Variants in PTPRR observed in about 807,000 individuals in gnomAD.
The protein encoded by PTPRR is receptor-type tyrosine-protein phosphatase R.
A neutral mutation model predicts 77.2 loss-of-function variants in PTPRR; 38 were observed. That is an observed-to-expected ratio of 0.49 (90% CI 0.38 to 0.65). The LOEUF (loss-of-function observed/expected upper bound fraction) is 0.65. Ranked by LOEUF, PTPRR falls within the 30% of genes least tolerant of loss-of-function variation. PTPRR has a pLI of 0.00. For missense variants in PTPRR, 744 were observed against 799.2 expected (o/e 0.93, Z 0.83); for synonymous variants, 299 against 283.1 (o/e 1.06, Z -0.57).
rs1893840083 is a variant in PTPRR, at chr12:70,920,480, C to T, written c.-90G>A. The T allele has an allele frequency of 1.5e-6, 2 of 1,299,320 alleles. No individual in the cohort carries two copies. The highest frequency in any genetic ancestry group is 5.0e-5 in the East Asian group (2 of 40,126). 80.5% of individuals were successfully genotyped at this position (1,299,320 alleles called of 1,614,324 possible). A position where few individuals can be genotyped will look rare whatever the true frequency, so the allele number is the denominator to read the frequency against. On this transcript the variant is annotated 5_prime_UTR_variant, in exon 1 of 14. Coordinates refer to ENST00000283228, the MANE Select transcript of PTPRR (RefSeq NM_002849.4). Reference sequence around the variant, plus strand: ...AGAAAGAGCCACCGCCAAGGGTCTTCTAGTCTCCGGGATTCAGGTCCTCGG... The same window carrying T: ...AGAAAGAGCCACCGCCAAGGGTCTTTTAGTCTCCGGGATTCAGGTCCTCGG...
intron 4 of PTPRR, among the ~76,000 whole-genome samples, chr12:70,759,710 A>G (rs1269036252): frequency 6.8e-6 from 1 of 147,874 alleles, no homozygotes; most frequent in Admixed American, 6.8e-5. Context: ...AAAAAAACAA[A>G]CGAAAGGTAT....
At chr12:70,690,922 A>G (rs903394102) in intron 8 of PTPRR, among the ~76,000 whole-genome samples, 1 of 152,198 alleles carries the variant, frequency 6.6e-6, no homozygotes, top group Non-Finnish European at 1.5e-5. Flanking sequence ...TTTTGAAGGC[A>G]GGGATGGGGA....
At chr12:70,788,261 C>T (rs1891361982) in intron 2 of PTPRR, among the ~76,000 whole-genome samples, 1 of 152,212 alleles carries the variant, frequency 6.6e-6, no homozygotes, top group Non-Finnish European at 1.5e-5. Flanking sequence ...CTGACTTTCA[C>T]TCACTGGACC....
At chr12:70,881,209 T>C (rs1034762892) in intron 2 of PTPRR, among the ~76,000 whole-genome samples, 2 of 152,188 alleles carry the variant, frequency 1.3e-5, no homozygotes, top group Admixed American at 6.5e-5. Context: ...CTAGTTGCCA[T>C]GTTCTCAGGC....
In PTPRR at chr12:70,659,360, A is replaced by G. The variant is rs147124536; in HGVS notation, c.1766+1580T>C. ...GGATGAGGTCAGAAGGGCCTGAACT[A>G]TGGTGGCTGGACAGGAAATGGTGAT... On this transcript the variant is annotated intron_variant, in intron 12 of 13. Coordinates refer to ENST00000283228, the MANE Select transcript of PTPRR (RefSeq NM_002849.4). Among the ~76,000 whole-genome samples the G allele has an allele frequency of 4.7e-4, 72 of 152,308 alleles. 2 individuals are homozygous for G. The East Asian group carries it at 0.012, about 26-fold the overall frequency.
At chr12:70,724,841 A>G (rs1241739218) in intron 6 of PTPRR, among the ~76,000 whole-genome samples, 1 of 152,182 alleles carries the variant, frequency 6.6e-6, no homozygotes, top group Non-Finnish European at 1.5e-5. Flanking sequence ...ATATATTTAT[A>G]TAATGTTAAT....
At chr12:70,656,579 T>C (rs1191148089) in intron 13 of PTPRR, 125 bp downstream of exon 13, 1 of 663,670 alleles carries the variant, frequency 1.5e-6, no homozygotes, top group African/African-American at 1.8e-5. Flanking sequence ...ACTTAAGCAT[T>C]TTACAAGCAT....
intron 2 of PTPRR, among the ~76,000 whole-genome samples, chr12:70,886,516 T>G (rs1217189727): frequency 6.6e-6 from 1 of 152,190 alleles, no homozygotes; most frequent in Admixed American, 6.5e-5. Flanking sequence ...TATGGATCCT[T>G]TAAGTCAACT....
At chr12:70,789,314 A>G (rs1891384617) in intron 2 of PTPRR, among the ~76,000 whole-genome samples, 1 of 152,094 alleles carries the variant, frequency 6.6e-6, no homozygotes, top group Non-Finnish European at 1.5e-5. Context: ...TTCATAATAA[A>G]CATAAATTTC....
intron 6 of PTPRR, among the ~76,000 whole-genome samples, chr12:70,744,147 A>C (rs1019866011): frequency 3.9e-5 from 6 of 152,178 alleles, no homozygotes; most frequent in Non-Finnish European, 7.3e-5. Context: ...AAGAACCAGA[A>C]AGAAGCTAAA....
chr12:70,824,868 T>C (rs1892082267), intron 2 of PTPRR, among the ~76,000 whole-genome samples: 1 of 152,234 alleles, frequency 6.6e-6, no homozygotes. Flanking sequence ...TTAACAATCA[T>C]GAACATCTTA....
chr12:70,863,055 A>G lies in PTPRR; in HGVS notation c.357+29624T>C, dbSNP rs565724293. ...GTAGAATATGTCTTTTAATCAACCAATTGCCCTATTCTCTACTAGAGGTCT... is the reference window on the plus strand; with the variant it reads ...GTAGAATATGTCTTTTAATCAACCAGTTGCCCTATTCTCTACTAGAGGTCT... On this transcript the variant is annotated intron_variant, in intron 2 of 13. Coordinates refer to ENST00000283228, the MANE Select transcript of PTPRR (RefSeq NM_002849.4). Among the ~76,000 whole-genome samples the G allele has an allele frequency of 2.6e-5, 4 of 152,248 alleles. No homozygotes were observed. In the East Asian group the frequency reaches 5.8e-4, roughly 22 times the overall value.
At chr12:70,754,881 T>G in intron 4 of PTPRR, 1 of 630,510 alleles carries the variant, frequency 1.6e-6, no homozygotes, top group South Asian at 2.3e-5. Context: ...GAATACATAT[T>G]GTTAGAATAT....
intron 1 of PTPRR, among the ~76,000 whole-genome samples, chr12:70,911,669 A>T (rs1286327341): frequency 6.7e-6 from 1 of 149,780 alleles, no homozygotes; most frequent in Non-Finnish European, 1.5e-5. Flanking sequence ...TTCGAGCTTC[A>T]TAGTCCACTA....
chr12:70,817,632 T>C (rs1439251663), intron 2 of PTPRR, among the ~76,000 whole-genome samples: 1 of 152,138 alleles, frequency 6.6e-6, no homozygotes, highest in Non-Finnish European at 1.5e-5. Flanking sequence ...TGAGAAAAGA[T>C]TGAGAGTGAT....
At chr12:70,642,176 G>C (rs1886028511) in intron 13 of PTPRR, among the ~76,000 whole-genome samples, 1 of 152,016 alleles carries the variant, frequency 6.6e-6, no homozygotes, top group Admixed American at 6.6e-5. Flanking sequence ...CATGGTGCCT[G>C]GTTCTCGGTA....
intron 13 of PTPRR, among the ~76,000 whole-genome samples, chr12:70,641,442 T>A (rs768336989): frequency 6.6e-6 from 1 of 152,240 alleles, no homozygotes; most frequent in African/African-American, 2.4e-5. Flanking sequence ...AATAACTGTT[T>A]CACCCTAAGT....
At chr12:70,899,112 A>G (rs1893485777) in intron 1 of PTPRR, among the ~76,000 whole-genome samples, 1 of 151,492 alleles carries the variant, frequency 6.6e-6, no homozygotes, top group Non-Finnish European at 1.5e-5. Flanking sequence ...TTCAGGACCA[A>G]ATGGCATAAT....
intron 2 of PTPRR, among the ~76,000 whole-genome samples, chr12:70,808,739 A>G (rs1209486219): frequency 6.6e-6 from 1 of 152,162 alleles, no homozygotes; most frequent in African/African-American, 2.4e-5. Context: ...ATTCTCTTAG[A>G]TCCAGACATA....
Sources: gnomAD v4.1 joint callset for allele counts (sites outside exome capture counted in the v4.1 genomes callset) on GRCh38, gnomAD v4.1.1 for gene constraint, MANE v1.5 for transcripts, NCBI Gene and HGNC (gene_info 2026-07-23, HGNC 2026-07-21) for gene names.